FBXL18: variants seen among roughly 807,000 people sequenced by gnomAD.
The protein encoded by FBXL18 is F-box/LRR-repeat protein 18.
A neutral mutation model predicts 46.0 loss-of-function variants in FBXL18; 36 were observed. The ratio of observed to expected loss-of-function variants is 0.78; its 90% CI spans 0.60 to 1.03. The LOEUF is 1.03. Ranked by LOEUF, FBXL18 falls within the 50% of genes least tolerant of loss-of-function variation. The probability of loss-of-function intolerance (pLI) is 0.00; values close to 1 mark genes in which losing one functional copy is unlikely to be tolerated. For missense variants in FBXL18, 977 were observed against 1,004.1 expected, an observed-to-expected ratio of 0.97 and a Z score of 0.36; for synonymous variants, 557 against 465.3, an observed-to-expected ratio of 1.20 and a Z score of -2.54.
chr7:5,509,488 T>A (rs1784474594), intron 1 of FBXL18, among the ~76,000 whole-genome samples: 1 of 151,366 alleles, frequency 6.6e-6, no homozygotes, highest in African/African-American at 2.4e-5. Flanking sequence ...AGGTCAGGAG[T>A]TCGAGACCAG....
At chr7:5,474,378 G>C (rs921844020), downstream of FBXL18, among the ~76,000 whole-genome samples, 1 of 150,266 alleles carries the variant, frequency 6.7e-6, no homozygotes, top group Non-Finnish European at 1.5e-5. Flanking sequence ...GTGCAATCAC[G>C]GCTCACTGCA....
At chr7:5,467,437 T>G (rs947497640) in intron 4 of FBXL18, among the ~76,000 whole-genome samples, 21 of 151,190 alleles carry the variant, frequency 1.4e-4, no homozygotes, top group Admixed American at 1.3e-3. Flanking sequence ...TCCCAGTGAC[T>G]CGGGAGGCTG....
chr7:5,468,081 C>G (rs1243181532), intron 4 of FBXL18, among the ~76,000 whole-genome samples: 4 of 151,510 alleles, frequency 2.6e-5, no homozygotes, highest in African/African-American at 9.7e-5. Flanking sequence ...CTCCCGGGTT[C>G]AAGCAATTCT....
Position 5,513,750 on chromosome 7 carries a change from A to T in FBXL18, c.-76T>A, listed in dbSNP as rs1385061860. The T allele has an allele frequency of 1.9e-6, 3 of 1,548,724 alleles. No homozygotes were observed. The African/African-American group carries it at 4.1e-5, about 21-fold the overall frequency. ...CCACCTGCCCGGCTAGGGATGCTCG[A>T]AGCCGGCGCGTCCACCGCTCAACCG... On this transcript the variant is annotated 5_prime_UTR_variant, in exon 1 of 5. Coordinates refer to ENST00000382368, the MANE Select transcript of FBXL18 (RefSeq NM_024963.6).
At position 5,481,760 on chromosome 7, in the gene FBXL18, C is replaced by T. The variant is rs1394165518; in HGVS notation, c.*15G>A. On this transcript the variant is annotated 3_prime_UTR_variant, in exon 5 of 5. Transcript: ENST00000382368. ...TCTCGAGGTGACTGAGACCGATGGG[C>T]GGCGGCTCCGCCTCTCACCACCACA... 5 of 1,612,704 alleles carry T rather than the reference C, an allele frequency of 3.1e-6. No homozygotes were observed. Among genetic ancestry groups the T allele is most frequent in the South Asian group, 1.1e-5 (1 of 91,034 alleles).
In FBXL18 at chr7:5,505,607, G is replaced by A. The variant is rs979738184; in HGVS notation, c.42C>T (p.Asp14=). Residue 14 remains aspartate, a synonymous_variant, in exon 2 of 5, where the codon GAC becomes GAT. Coordinates refer to ENST00000382368, the MANE Select transcript of FBXL18 (RefSeq NM_024963.6). ...SGEDISNDDD[D]MHPAAAGMAD... ...CCATCCCGGCTGCTGCAGGGTGCAT[G>A]TCATCATCATCATTGGATATGTCCT... 1.2e-6 allele frequency: 2 copies of A among 1,613,828 alleles called. No homozygotes were observed. The highest frequency in any genetic ancestry group is 2.2e-5 in the East Asian group (1 of 44,882).
At chr7:5,484,038 C>T (rs1230326058) in intron 4 of FBXL18, among the ~76,000 whole-genome samples, 2 of 152,172 alleles carry the variant, frequency 1.3e-5, no homozygotes, top group African/African-American at 4.8e-5. Context: ...ACAGTAATCT[C>T]GTGGGCAGCA....
intron 3 of FBXL18, 95 bp from the exon 4 acceptor site, chr7:5,491,544 G>T: frequency 1.8e-6 from 2 of 1,082,170 alleles, no homozygotes; most frequent in Non-Finnish European, 2.6e-6. Context: ...AAGCTTCCTG[G>T]CCTGGGGCCC....
intron 4 of FBXL18, chr7:5,489,737 C>T (rs1783867610): frequency 3.9e-6 from 1 of 255,582 alleles, no homozygotes; most frequent in South Asian, 4.0e-5. Context: ...CGAGATCACG[C>T]CACTGCACTC....
At chr7:5,491,107 A>T in intron 4 of FBXL18, 124 bp downstream of exon 4, 1 of 888,758 alleles carries the variant, frequency 1.1e-6, no homozygotes, top group Non-Finnish European at 1.7e-6. Context: ...TCACCCTGTC[A>T]CTGCCTGGTG....
Position 5,489,256 on chromosome 7 carries a change from A to T in FBXL18, c.2000+1975T>A, listed in dbSNP as rs755402980. ...GTGTTACATTTTTAAAAATCAGATT[A>T]CAAAACAATATGAGAACCCTATCTC... On this transcript the variant is annotated intron_variant, in intron 4 of 4. Transcript: ENST00000382368. The T allele has an allele frequency of 9.6e-6, 5 of 518,840 alleles. No homozygotes were observed. In the East Asian group the frequency reaches 2.7e-4, roughly 28 times the overall value. 32.1% of individuals were successfully genotyped at this position (518,840 alleles called of 1,614,324 possible).
intron 2 of FBXL18, among the ~76,000 whole-genome samples, chr7:5,502,721 C>T (rs922503645): frequency 6.6e-6 from 1 of 151,578 alleles, no homozygotes; most frequent in Non-Finnish European, 1.5e-5. Flanking sequence ...AGCCAAGCTA[C>T]TGGGGAGGAG....
chr7:5,455,763 A>G lies in FBXL18; in HGVS notation c.2001-7920T>C, dbSNP rs77316960. 7.0e-6 allele frequency among the ~76,000 whole-genome samples: 1 copy of G among 142,626 alleles called. No homozygotes were observed. Among genetic ancestry groups the G allele is most frequent in the Non-Finnish European group, 1.5e-5 (1 of 65,178 alleles). 93.6% of individuals were successfully genotyped at this position (142,626 alleles called of 152,430 possible). On this transcript the variant is annotated intron_variant and NMD_transcript_variant, in intron 4 of 6. Coordinates refer to the FBXL18 transcript ENST00000415009. The surrounding 1 kb of genome is among the most constrained non-coding windows in gnomAD (Gnocchi z 4.6). Reference sequence around the variant, plus strand: ...CCCCCACCCCCACTACACACACACAAACACACACACACACACACACACACC... The same window carrying G: ...CCCCCACCCCCACTACACACACACAGACACACACACACACACACACACACC...
intron 4 of FBXL18, among the ~76,000 whole-genome samples, chr7:5,464,431 G>A (rs574969919): frequency 6.6e-6 from 1 of 151,942 alleles, no homozygotes; most frequent in Non-Finnish European, 1.5e-5. Context: ...AGTGAGCCGA[G>A]ATCACGCCAC....
chr7:5,500,395 G>C (rs1784202450), intron 3 of FBXL18, 93 bp downstream of exon 3: 2 of 1,223,156 alleles, frequency 1.6e-6, no homozygotes, highest in African/African-American at 3.0e-5. Flanking sequence ...TGCACTCCTG[G>C]AGGGCAGGCC....
intron 4 of FBXL18, among the ~76,000 whole-genome samples, chr7:5,468,853 A>G (rs2128231850): frequency 6.6e-6 from 1 of 151,760 alleles, no homozygotes; most frequent in Non-Finnish European, 1.5e-5. Flanking sequence ...CTCCCATCTC[A>G]GCCTCCCAAA....
At chr7:5,490,121 G>A (rs765989956) in intron 4 of FBXL18, 3 of 1,362,114 alleles carry the variant, frequency 2.2e-6, no homozygotes, top group Non-Finnish European at 2.0e-6. Flanking sequence ...AAGCAGGGTT[G>A]TCGGCGCCCA....
chr7:5,486,137 C>A (rs1783769983), intron 4 of FBXL18, among the ~76,000 whole-genome samples: 1 of 150,808 alleles, frequency 6.6e-6, no homozygotes, highest in Non-Finnish European at 1.5e-5. Flanking sequence ...GCCTGTAATC[C>A]CAGCTACTCG....
chr7:5,508,656 C>T lies in FBXL18; in HGVS notation c.19-3026G>A, dbSNP rs570369764. ...ATAAAAATCAGATTCCTGGAACCCA[C>T]CCCAGACTTGTGGGGCCCAATCCCA... On this transcript the variant is annotated intron_variant, in intron 1 of 4. Coordinates refer to ENST00000382368, the MANE Select transcript of FBXL18 (RefSeq NM_024963.6). Among the ~76,000 whole-genome samples the T allele has an allele frequency of 2.0e-5, 3 of 151,938 alleles. No individual in the cohort carries two copies. In the East Asian group the frequency reaches 5.8e-4, roughly 29 times the overall value.
Sources: gnomAD v4.1 joint callset for allele counts (sites outside exome capture counted in the v4.1 genomes callset) on GRCh38, gnomAD v4.1.1 for gene constraint, Gnocchi (gnomAD v3.1) non-coding constraint, MANE v1.5 for transcripts, NCBI Gene and HGNC (gene_info 2026-07-23, HGNC 2026-07-21) for gene names.